Variants in IL1RAPL1 observed in about 807,000 individuals in gnomAD.
The protein encoded by IL1RAPL1 is interleukin-1 receptor accessory protein-like 1.
Under a neutral mutation model 48.4 loss-of-function variants are expected in IL1RAPL1, and 3 were observed. That is an observed-to-expected ratio of 0.06 (90% CI 0.03 to 0.16). IL1RAPL1 has a LOEUF of 0.16. IL1RAPL1 is among the 10% of genes least tolerant of loss of function. IL1RAPL1 has a pLI of 1.00. For synonymous variants in IL1RAPL1, 185 were observed against 187.7 expected (o/e 0.99, Z 0.12); for missense variants, 349 against 530.6 (o/e 0.66, Z 3.36).
At chrX:29,767,745 T>G in intron 6 of IL1RAPL1, among the ~76,000 whole-genome samples, 1 of 112,056 alleles carries the variant, frequency 8.9e-6, no homozygotes, top group Middle Eastern at 4.6e-3. Flanking sequence ...CTCATAAATA[T>G]GCATATTTTT....
At chrX:29,266,900 C>T (rs754700264) in intron 2 of IL1RAPL1, among the ~76,000 whole-genome samples, 13 of 111,717 alleles carry the variant, frequency 1.2e-4, no homozygotes, top group Non-Finnish European at 2.1e-4. Flanking sequence ...TCTGATTGGG[C>T]TAGCTCATCT....
At chrX:29,374,824 C>T in intron 3 of IL1RAPL1, among the ~76,000 whole-genome samples, 1 of 110,833 alleles carries the variant, frequency 9.0e-6, no homozygotes, top group South Asian at 3.9e-4. Flanking sequence ...GAATGCACCT[C>T]TTTGGGGTCA....
In IL1RAPL1 at chrX:28,773,859, T is replaced by C. The variant is rs756403688; in HGVS notation, c.-24-15461T>C. Among the ~76,000 whole-genome samples the C allele has an allele frequency of 1.4e-4, 16 of 112,264 alleles. No homozygotes were observed. In the East Asian group the frequency reaches 4.5e-3, roughly 31 times the overall value. On this transcript the variant is annotated intron_variant, in intron 1 of 10. Transcript: ENST00000378993. ...TAAAAGTTATCTGTATTTGATATCT[T>C]TGCTCTCTCACATTCCATTATCTCC...
At chrX:29,428,583 A>C (rs1012592446) in intron 5 of IL1RAPL1, among the ~76,000 whole-genome samples, 1 of 111,360 alleles carries the variant, frequency 9.0e-6, no homozygotes, top group Non-Finnish European at 1.9e-5. Flanking sequence ...AAAAATGAGT[A>C]AAAACTTTCT....
intron 2 of IL1RAPL1, among the ~76,000 whole-genome samples, chrX:29,266,831 A>G (rs2147587666): frequency 9.0e-6 from 1 of 111,547 alleles, no homozygotes; most frequent in Non-Finnish European, 1.9e-5. Context: ...TGTGGTCATC[A>G]CAACTTCTTT....
At chrX:29,781,563 T>G (rs1569166870) in intron 6 of IL1RAPL1, among the ~76,000 whole-genome samples, 1 of 112,135 alleles carries the variant, frequency 8.9e-6, no homozygotes, top group Non-Finnish European at 1.9e-5. Context: ...TCAAATGCAC[T>G]TTAAAATTAA....
intron 5 of IL1RAPL1, among the ~76,000 whole-genome samples, chrX:29,611,419 G>A (rs1243493198): frequency 9.0e-6 from 1 of 111,604 alleles, no homozygotes; most frequent in East Asian, 2.8e-4. Context: ...TAGCCTGGAA[G>A]CCCCTGCTTT....
At chrX:28,740,929 A>G (rs914007494) in intron 1 of IL1RAPL1, among the ~76,000 whole-genome samples, 1 of 111,767 alleles carries the variant, frequency 8.9e-6, no homozygotes, top group Non-Finnish European at 1.9e-5. Context: ...CGTCTTTGCT[A>G]TTGTAAATGG....
intron 2 of IL1RAPL1, among the ~76,000 whole-genome samples, chrX:28,906,943 G>C (rs1306466790): frequency 8.9e-6 from 1 of 112,029 alleles, no homozygotes; most frequent in African/African-American, 3.2e-5. Context: ...AGTTTAGAGA[G>C]TGAAATGCAT....
chrX:29,284,660 G>T (rs1001693190), intron 3 of IL1RAPL1, among the ~76,000 whole-genome samples: 4 of 111,814 alleles, frequency 3.6e-5, no homozygotes. Flanking sequence ...CAAAAGAATC[G>T]CTTGAACCCA....
At chrX:29,199,653 C>T (rs1930516156) in intron 2 of IL1RAPL1, among the ~76,000 whole-genome samples, 1 of 111,743 alleles carries the variant, frequency 8.9e-6, no homozygotes, top group Non-Finnish European at 1.9e-5. Flanking sequence ...CTATGAGAAT[C>T]TAATGCTGCT....
At chrX:29,446,530 C>T (rs945688335) in intron 5 of IL1RAPL1, among the ~76,000 whole-genome samples, 1 of 111,451 alleles carries the variant, frequency 9.0e-6, no homozygotes, top group African/African-American at 3.3e-5. Flanking sequence ...TCTGCTATTT[C>T]CTAAGGCTTA....
At chrX:29,943,005 G>A (rs1933157013) in intron 9 of IL1RAPL1, among the ~76,000 whole-genome samples, 1 of 110,143 alleles carries the variant, frequency 9.1e-6, no homozygotes. Flanking sequence ...AATTGCCTAT[G>A]TTGCCACGTT....
At chrX:28,687,011 T>A (rs1935118390) in intron 1 of IL1RAPL1, among the ~76,000 whole-genome samples, 1 of 112,090 alleles carries the variant, frequency 8.9e-6, no homozygotes, top group Non-Finnish European at 1.9e-5. Context: ...AAGAAACTAG[T>A]TTACTTGTAT....
intron 3 of IL1RAPL1, among the ~76,000 whole-genome samples, chrX:29,333,182 T>C (rs759206020): frequency 9.5e-6 from 1 of 104,977 alleles, no homozygotes; most frequent in Non-Finnish European, 2.0e-5. Context: ...CCAGACGGGG[T>C]CGTGGCCGGG....
At chrX:28,699,261 G>A (rs941929516) in intron 1 of IL1RAPL1, among the ~76,000 whole-genome samples, 1 of 111,979 alleles carries the variant, frequency 8.9e-6, no homozygotes, top group Non-Finnish European at 1.9e-5. Context: ...CTTTAAAAGA[G>A]TATGCTTTCT....
chrX:29,884,743 A>G, intron 6 of IL1RAPL1, among the ~76,000 whole-genome samples: 1 of 111,484 alleles, frequency 9.0e-6, no homozygotes, highest in Non-Finnish European at 1.9e-5. Flanking sequence ...GACCTGCACC[A>G]CCCACAGCCT....
At chrX:29,883,989 A>G (rs932234190) in intron 6 of IL1RAPL1, among the ~76,000 whole-genome samples, 1 of 112,054 alleles carries the variant, frequency 8.9e-6, no homozygotes, top group Non-Finnish European at 1.9e-5. Flanking sequence ...AGCTTGGTTG[A>G]TAACCATCCC....
chrX:28,897,088 G>A (rs1478233033), intron 2 of IL1RAPL1, among the ~76,000 whole-genome samples: 9 of 110,329 alleles, frequency 8.2e-5, no homozygotes, highest in Non-Finnish European at 1.7e-4. Flanking sequence ...GAGGAATGGA[G>A]GGTGGAAGGT....
Sources: allele counts gnomAD v4.1 joint callset (sites outside exome capture counted in the v4.1 genomes callset), GRCh38; gene constraint gnomAD v4.1.1; transcripts MANE v1.5; gene names NCBI Gene and HGNC (gene_info 2026-07-23, HGNC 2026-07-21).